Variants in CIMAP2 observed in about 807,000 individuals in gnomAD.
CIMAP2 encodes ciliary microtubule associated protein 2.
At chr1:54,818,747 ACAC>A in the CIMAP2 span, among the ~76,000 whole-genome samples, 1 of 121,826 alleles carries the variant, frequency 8.2e-6, no homozygotes, top group African/African-American at 2.8e-5. Flanking sequence ...ATGCACCACC[ACAC>A]CCGGCTAATT....
chr1:54,824,906 G>A, the CIMAP2 span, among the ~76,000 whole-genome samples: 1 of 150,218 alleles, frequency 6.7e-6, no homozygotes, highest in Non-Finnish European at 1.5e-5. Context: ...ATCTGTTACT[G>A]GAGAAATATT....
the CIMAP2 span, among the ~76,000 whole-genome samples, chr1:54,825,041 CTTTTTTTTTT>C: frequency 7.2e-4 from 43 of 59,662 alleles, no homozygotes; most frequent in Admixed American, 1.5e-3. Flanking sequence ...TAGGGAATTA[CTTTTTTTTTT>C]TTTTTTTTTT....
chr1:54,811,766 C>CCGGGCGGG, the CIMAP2 span: 1 of 1,305,190 alleles, frequency 7.7e-7, no homozygotes, highest in Non-Finnish European at 1.1e-6. Flanking sequence ...GTTCTGACAG[C>CCGGGCGGG]CTCCATGCCC....
the CIMAP2 span, among the ~76,000 whole-genome samples, chr1:54,822,382 GTTTT>G: frequency 7.0e-6 from 1 of 142,696 alleles, no homozygotes; most frequent in Non-Finnish European, 1.5e-5. Context: ...CTTTGTATTG[GTTTT>G]TTTTTTTTCA....
chr1:54,814,015 G>A, the CIMAP2 span: 124,272 of 1,551,452 alleles, frequency 0.08, 5,627 homozygotes, highest in Non-Finnish European at 0.092. Flanking sequence ...CTCTCGGAGG[G>A]CAGCTCTCCT....
chr1:54,839,297 G>A, the CIMAP2 span, among the ~76,000 whole-genome samples: 83,580 of 151,870 alleles, frequency 0.55, 24,185 homozygotes, highest in South Asian at 0.71. Context: ...TCCTTAGAGG[G>A]CTGGAATGCT....
the CIMAP2 span, among the ~76,000 whole-genome samples, chr1:54,826,768 C>T: frequency 1.4e-3 from 207 of 152,344 alleles, no homozygotes; most frequent in African/African-American, 4.8e-3. Flanking sequence ...CTGAGCTGAT[C>T]CTGGCCAGGC....
the CIMAP2 span, chr1:54,806,949 C>A: frequency 1.3e-6 from 2 of 1,552,076 alleles, no homozygotes; most frequent in African/African-American, 2.7e-5. Context: ...CACGCCAGGG[C>A]CAGGTGCCAG....
chr1:54,833,268 C>T, the CIMAP2 span, among the ~76,000 whole-genome samples: 1 of 152,150 alleles, frequency 6.6e-6, no homozygotes, highest in Non-Finnish European at 1.5e-5. Context: ...TGCTGAGTCC[C>T]GCAGCTGAAC....
chr1:54,816,875 A>G, the CIMAP2 span: 1 of 1,367,312 alleles, frequency 7.3e-7, no homozygotes, highest in Admixed American at 2.3e-5. Context: ...TTTGGGAGAC[A>G]CAATTCAACT....
chr1:54,813,143 T>G, the CIMAP2 span, among the ~76,000 whole-genome samples: 2 of 66,778 alleles, frequency 3.0e-5, no homozygotes, highest in Non-Finnish European at 5.5e-5. Context: ...TTGTGAGACT[T>G]TTTTTTTTTT....
the CIMAP2 span, among the ~76,000 whole-genome samples, chr1:54,821,226 GT>G: frequency 6.6e-6 from 1 of 151,956 alleles, no homozygotes; most frequent in Non-Finnish European, 1.5e-5. Flanking sequence ...AAAGTTTTTA[GT>G]TTAATATAGT....
the CIMAP2 span, among the ~76,000 whole-genome samples, chr1:54,831,704 T>C: frequency 6.6e-6 from 1 of 152,012 alleles, no homozygotes; most frequent in Non-Finnish European, 1.5e-5. Context: ...CTGGCTATGA[T>C]ATATCAGATA....
the CIMAP2 span, among the ~76,000 whole-genome samples, chr1:54,835,600 T>G: frequency 2.6e-5 from 4 of 152,142 alleles, no homozygotes; most frequent in Non-Finnish European, 5.9e-5. Context: ...AAAGTGATTT[T>G]CCAAAGTCAT....
chr1:54,810,699 C>G, the CIMAP2 span, among the ~76,000 whole-genome samples: 28 of 152,214 alleles, frequency 1.8e-4, no homozygotes, highest in Non-Finnish European at 2.2e-4. Context: ...CCTGCCAGGT[C>G]TCTACCCAAT....
the CIMAP2 span, among the ~76,000 whole-genome samples, chr1:54,835,848 C>T: frequency 3.3e-5 from 5 of 151,810 alleles, no homozygotes. Context: ...GTCCAGAACA[C>T]TTTGCCCACT....
chr1:54,809,982 C>T, the CIMAP2 span, among the ~76,000 whole-genome samples: 41 of 152,140 alleles, frequency 2.7e-4, no homozygotes, highest in African/African-American at 3.9e-4. Context: ...GCTCAGACAA[C>T]GTAACATTCT....
the CIMAP2 span, among the ~76,000 whole-genome samples, chr1:54,820,089 C>T: frequency 0.065 from 6,933 of 107,096 alleles, 1,004 homozygotes; most frequent in African/African-American, 0.24. Flanking sequence ...TCCTTCCCTC[C>T]TTCTTTCTTT....
At chr1:54,840,440 A>G in the CIMAP2 span, among the ~76,000 whole-genome samples, 2 of 152,220 alleles carry the variant, frequency 1.3e-5, no homozygotes, top group African/African-American at 4.8e-5. Context: ...AAGCTGCTAT[A>G]AACAGTTAAA....
Sources: allele counts gnomAD v4.1 joint callset (sites outside exome capture counted in the v4.1 genomes callset), GRCh38; gene constraint gnomAD v4.1.1; transcripts MANE v1.5; gene names NCBI Gene and HGNC (gene_info 2026-07-23, HGNC 2026-07-21).